Variants in DAPK1 observed in about 807,000 individuals in gnomAD.
DAPK1 encodes death associated protein kinase 1, also known as death-associated protein kinase 1.
DAPK1 carries 56 observed loss-of-function variants against 144.9 expected under a neutral mutation model. The ratio of observed to expected loss-of-function variants is 0.39; its 90% CI spans 0.31 to 0.48. DAPK1 has a LOEUF of 0.48. Ranked by LOEUF, DAPK1 falls within the 20% of genes least tolerant of loss-of-function variation. DAPK1 has a pLI of 0.95. For missense variants in DAPK1, 1,454 were observed against 1,875.4 expected, an observed-to-expected ratio of 0.78 and a Z score of 4.15; for synonymous variants, 690 against 749.0, an observed-to-expected ratio of 0.92 and a Z score of 1.29.
intron 2 of DAPK1, among the ~76,000 whole-genome samples, chr9:87,590,067 T>C (rs566424910): frequency 6.6e-6 from 1 of 152,312 alleles, no homozygotes; most frequent in African/African-American, 2.4e-5. Flanking sequence ...ATTCATCAGA[T>C]CAAAAGTTGA....
intron 3 of DAPK1, among the ~76,000 whole-genome samples, chr9:87,617,249 G>C (rs1829128523): frequency 6.6e-6 from 1 of 152,148 alleles, no homozygotes; most frequent in Admixed American, 6.5e-5. Flanking sequence ...ATCCCCTTTT[G>C]TTTTTCCTAT....
intron 21 of DAPK1, among the ~76,000 whole-genome samples, chr9:87,696,729 C>CA (rs1825272715): frequency 1.3e-5 from 2 of 152,264 alleles, no homozygotes; most frequent in African/African-American, 2.4e-5. Context: ...CTCACTCACT[C>CA]CTTCCCACCA....
chr9:87,592,947 G>A (rs1481074256), intron 2 of DAPK1, among the ~76,000 whole-genome samples: 1 of 152,132 alleles, frequency 6.6e-6, no homozygotes, highest in Non-Finnish European at 1.5e-5. Flanking sequence ...TCCCCACTTG[G>A]TTCAGAGCCA....
At chr9:87,697,328 A>G (rs1825295742) in intron 22 of DAPK1, 124 bp downstream of exon 22, 1 of 643,420 alleles carries the variant, frequency 1.6e-6, no homozygotes, top group African/African-American at 1.8e-5. Flanking sequence ...GGCCATGAGC[A>G]GATCCCACCG....
At chr9:87,510,197 G>A (rs950832926) in intron 2 of DAPK1, among the ~76,000 whole-genome samples, 1 of 152,158 alleles carries the variant, frequency 6.6e-6, no homozygotes, top group Non-Finnish European at 1.5e-5. Context: ...CGCTTGACAC[G>A]TATGGAGCAG....
intron 2 of DAPK1, among the ~76,000 whole-genome samples, chr9:87,518,399 A>T (rs1052174696): frequency 6.6e-6 from 1 of 150,482 alleles, no homozygotes; most frequent in Non-Finnish European, 1.5e-5. Flanking sequence ...AAGTGCTGGG[A>T]TTATAGGCGT....
intron 24 of DAPK1, among the ~76,000 whole-genome samples, chr9:87,701,458 A>T (rs568515220): frequency 3.9e-5 from 6 of 152,362 alleles, no homozygotes; most frequent in Admixed American, 1.3e-4. Flanking sequence ...AAAAATTTTT[A>T]AAATTTTTTT....
In DAPK1 at chr9:87,639,458, C is replaced by T. The variant is rs1255649060; in HGVS notation, c.528C>T (p.Asn176=). 1 of 1,613,306 alleles carries T rather than the reference C, an allele frequency of 6.2e-7. No individual in the cohort carries two copies. The highest frequency in any genetic ancestry group is 1.1e-5 in the South Asian group (1 of 90,714). ...HKIDFGNEFK[N]IFGTPEFVAP... ...TTGACTTTGGAAATGAATTTAAAAA[C>T]ATATTTGGGACTCCAGAGTTTGTCG... Residue 176 remains asparagine, a synonymous_variant, in exon 5 of 26, where the codon AAC becomes AAT. Coordinates refer to ENST00000408954, the MANE Select transcript of DAPK1 (RefSeq NM_004938.4).
In DAPK1 at chr9:87,698,331, A is replaced by G. The variant is rs1290894463; in HGVS notation, c.2612-325A>G. Reference sequence around the variant, plus strand: ...GTCTCTCTTTGGTCTTGTAAGCGGCATCCCTTTTGTCACAGGTTAAATTTT... The same window carrying G: ...GTCTCTCTTTGGTCTTGTAAGCGGCGTCCCTTTTGTCACAGGTTAAATTTT... On this transcript the variant is annotated intron_variant, in intron 22 of 25. Transcript: ENST00000408954. The G allele has an allele frequency of 1.3e-5, 3 of 231,978 alleles. No homozygotes were observed. The East Asian group carries it at 2.9e-4, about 22-fold the overall frequency. 14.4% of individuals were successfully genotyped at this position (231,978 alleles called of 1,614,324 possible).
intron 9 of DAPK1, 42 bp from the exon 10 acceptor site, chr9:87,641,927 A>ATAAC (rs769677495): frequency 1.3e-6 from 2 of 1,525,904 alleles, no homozygotes; most frequent in South Asian, 2.3e-5. Context: ...ACATTTTCAT[A>ATAAC]ATTTGAGAGC....
At chr9:87,505,693 C>A (rs559140494) in intron 2 of DAPK1, among the ~76,000 whole-genome samples, 1 of 147,038 alleles carries the variant, frequency 6.8e-6, no homozygotes, top group Admixed American at 6.8e-5. Context: ...CTGTGCCTGG[C>A]CTTTTGCATT....
chr9:87,516,217 C>T (rs1587677317), intron 2 of DAPK1, among the ~76,000 whole-genome samples: 1 of 152,100 alleles, frequency 6.6e-6, no homozygotes, highest in Non-Finnish European at 1.5e-5. Context: ...CCAATTTTTC[C>T]CTTGTGTCTC....
chr9:87,498,509 T>G, intron 1 of DAPK1: 1 of 235,956 alleles, frequency 4.2e-6, no homozygotes. Flanking sequence ...GCCACGGTGT[T>G]AGGAGAGGCG....
chr9:87,651,206 C>G (rs1461390116), intron 16 of DAPK1, among the ~76,000 whole-genome samples: 1 of 152,180 alleles, frequency 6.6e-6, no homozygotes, highest in Non-Finnish European at 1.5e-5. Context: ...AAGTGTTTTA[C>G]AAATGCTTTG....
At chr9:87,692,425 A>G (rs924985057) in intron 21 of DAPK1, among the ~76,000 whole-genome samples, 2 of 152,302 alleles carry the variant, frequency 1.3e-5, no homozygotes, top group Non-Finnish European at 2.9e-5. Context: ...TTATTAGTCA[A>G]ACAGCCAGTC....
At chr9:87,595,629 G>A (rs540814313) in intron 2 of DAPK1, among the ~76,000 whole-genome samples, 1 of 152,320 alleles carries the variant, frequency 6.6e-6, no homozygotes, top group East Asian at 1.9e-4. Context: ...CCCGACCCAC[G>A]CTGGCCTTGG....
chr9:87,656,633 G>A (rs187110929), intron 17 of DAPK1, among the ~76,000 whole-genome samples: 8 of 152,314 alleles, frequency 5.3e-5, no homozygotes, highest in Admixed American at 2.0e-4. Flanking sequence ...TACACTAGCC[G>A]GGAATTGGAG....
chr9:87,506,263 G>GAA (rs1824586135), intron 2 of DAPK1, among the ~76,000 whole-genome samples: 1 of 152,350 alleles, frequency 6.6e-6, no homozygotes, highest in South Asian at 2.1e-4. Context: ...TCTGCATGGA[G>GAA]AAAATGGTTA....
intron 2 of DAPK1, among the ~76,000 whole-genome samples, chr9:87,523,452 A>T (rs116409243): frequency 2.0e-5 from 3 of 152,060 alleles, no homozygotes; most frequent in Admixed American, 6.5e-5. Context: ...ACGAGCCACA[A>T]CACCCAACTG....
Sources: allele counts gnomAD v4.1 joint callset (sites outside exome capture counted in the v4.1 genomes callset), GRCh38; gene constraint gnomAD v4.1.1; transcripts MANE v1.5; gene names NCBI Gene and HGNC (gene_info 2026-07-23, HGNC 2026-07-21).